The following FAM171A1 variants were observed in gnomAD, a reference collection of about 807,000 sequenced individuals.
The protein encoded by FAM171A1 is protein FAM171A1.
Under a neutral mutation model 74.9 loss-of-function variants are expected in FAM171A1, and 23 were observed. That is an observed-to-expected ratio of 0.31 (90% CI 0.22 to 0.44). The LOEUF is 0.44. FAM171A1 is among the 20% of genes least tolerant of loss of function. The pLI is 1.00. For synonymous variants in FAM171A1, 527 were observed against 505.7 expected (o/e 1.04, Z -0.57); for missense variants, 1,162 against 1,159.2 (o/e 1.00, Z -0.03).
intron 5 of FAM171A1, among the ~76,000 whole-genome samples, chr10:15,233,524 G>GTGTGTGTGTGTGTGTGTGTGTGTGCA (rs1834237224): frequency 8.7e-6 from 1 of 115,148 alleles, no homozygotes; most frequent in Non-Finnish European, 1.9e-5. Context: ...TATTCAGGGT[G>GTGTGTGTGTGTGTGTGTGTGTGTGCA]TGTGTGTGTG....
At chr10:15,275,993 T>G (rs1366699560) in intron 2 of FAM171A1, 46 bp from the exon 3 acceptor site, 1 of 1,385,884 alleles carries the variant, frequency 7.2e-7, no homozygotes, top group Non-Finnish European at 1.0e-6. Flanking sequence ...ATAGTCATAT[T>G]TAAGTGCCTA....
intron 5 of FAM171A1, among the ~76,000 whole-genome samples, chr10:15,244,830 T>C (rs1825896447): frequency 1.3e-5 from 2 of 152,012 alleles, no homozygotes; most frequent in South Asian, 2.1e-4. Flanking sequence ...GATAGGACCA[T>C]TGCAACGTGC....
chr10:15,285,192 C>A (rs1835020935), intron 1 of FAM171A1, among the ~76,000 whole-genome samples: 1 of 152,138 alleles, frequency 6.6e-6, no homozygotes, highest in African/African-American at 2.4e-5. Flanking sequence ...GGGGGAACAG[C>A]ATGTGTGGAG....
intron 1 of FAM171A1, among the ~76,000 whole-genome samples, chr10:15,327,428 T>C (rs1367088254): frequency 1.3e-5 from 2 of 152,152 alleles, no homozygotes; most frequent in Non-Finnish European, 2.9e-5. Flanking sequence ...GGCAGGCAGA[T>C]CGCTTGAGCC....
intron 3 of FAM171A1, among the ~76,000 whole-genome samples, chr10:15,258,415 T>A (rs746215270): frequency 1.3e-5 from 2 of 152,232 alleles, no homozygotes; most frequent in Non-Finnish European, 2.9e-5. Flanking sequence ...CTTTTGCTTA[T>A]TCATTGTAAG....
chr10:15,266,498 A>C (rs919386813), intron 3 of FAM171A1, among the ~76,000 whole-genome samples: 3 of 152,098 alleles, frequency 2.0e-5, no homozygotes, highest in African/African-American at 7.2e-5. Flanking sequence ...ACAGATTGGC[A>C]GAGGAGGTGG....
intron 5 of FAM171A1, among the ~76,000 whole-genome samples, chr10:15,242,720 G>A (rs1327093207): frequency 6.6e-6 from 1 of 152,152 alleles, no homozygotes; most frequent in African/African-American, 2.4e-5. Context: ...GAGCTTGGGA[G>A]GTCGAGGCTG....
In FAM171A1 at chr10:15,214,455, GACA is replaced by G; in HGVS notation, c.1130_1132del (p.Leu377_Ser378delinsPro). ...CTCGGGGCGGCCGTGGCTGGTGACG[GACA>G]GCGGGCCAGGGAATTCTGACGCTCG... is the stretch of plus-strand genomic sequence containing the variant. On this transcript the variant is annotated inframe_deletion, in exon 8 of 8. Coordinates refer to ENST00000378116, the MANE Select transcript of FAM171A1 (RefSeq NM_001010924.2). The G allele has an allele frequency of 6.2e-7, 1 of 1,614,192 alleles. No homozygotes were observed. The highest frequency in any genetic ancestry group is 8.5e-7 in the Non-Finnish European group (1 of 1,180,050).
rs76304364 is a variant in FAM171A1 at position 15,322,088 on chromosome 10, C to G, written c.98-37983G>C. Among the ~76,000 whole-genome samples, 650 of 152,332 alleles carry G rather than the reference C, an allele frequency of 4.3e-3. 2 individuals are homozygous for G. Among genetic ancestry groups the G allele is most frequent in the African/African-American group, 0.015 (612 of 41,580 alleles). On this transcript the variant is annotated intron_variant, in intron 1 of 7. Transcript: ENST00000378116. ...TGTCTCCATGCTCTGGTGGTAACCT[C>G]AGGCCCGATACAAGCATGGGTTATT...
At chr10:15,264,094 T>A (rs982081131) in intron 3 of FAM171A1, among the ~76,000 whole-genome samples, 15 of 151,900 alleles carry the variant, frequency 9.9e-5, no homozygotes, top group African/African-American at 3.4e-4. Flanking sequence ...TTCTCCCACT[T>A]CAGCCTCCAG....
rs767418555 is a variant in FAM171A1, at chr10:15,213,176, C to T, written c.2412G>A (p.Thr804=). The T allele has an allele frequency of 9.3e-6, 15 of 1,614,116 alleles. No individual in the cohort carries two copies. Among genetic ancestry groups the T allele is most frequent in the Middle Eastern group, 1.6e-4 (1 of 6,062 alleles). Residue 804 remains threonine, a synonymous_variant, in exon 8 of 8, where the codon ACG becomes ACA. Coordinates refer to ENST00000378116, the MANE Select transcript of FAM171A1 (RefSeq NM_001010924.2). This position sits in a 1 kb window ranked among gnomAD's most constrained non-coding sequence, Gnocchi z 6.8. ...VEQSGSECGT[T]VCTPEDSALR... is the part of the protein sequence containing the mutation. ...GGGCACTGTCCTCGGGGGTACAGAC[C>T]GTGGTCCCACATTCGCTACCACTCT...
chr10:15,300,479 T>C (rs1176673613), intron 1 of FAM171A1, among the ~76,000 whole-genome samples: 1 of 152,118 alleles, frequency 6.6e-6, no homozygotes, highest in African/African-American at 2.4e-5. Context: ...AGGTGCCTGC[T>C]AGCAACAAAA....
In FAM171A1 at chr10:15,279,674, C is replaced by G. The variant is rs149042793; in HGVS notation, c.326-3727G>C. 3.4e-3 allele frequency among the ~76,000 whole-genome samples: 515 copies of G among 152,174 alleles called. 3 individuals carry two copies. Among genetic ancestry groups the G allele is most frequent in the African/African-American group, 0.012 (488 of 41,514 alleles). On this transcript the variant is annotated intron_variant, in intron 2 of 7. Transcript: ENST00000378116. ...GTGGCTCATGTCTGTAATCTCAGCACTTTGGGAGTCCAAGGCAGGCGGATC... is the reference window on the plus strand; with the variant it reads ...GTGGCTCATGTCTGTAATCTCAGCAGTTTGGGAGTCCAAGGCAGGCGGATC...
At chr10:15,248,918 T>C (rs1187355470) in intron 4 of FAM171A1, 103 bp from the exon 5 acceptor site, 1 of 1,048,166 alleles carries the variant, frequency 9.5e-7, no homozygotes, top group Non-Finnish European at 1.4e-6. Context: ...ACCTCCTATA[T>C]GCCAGGGACT....
intron 1 of FAM171A1, among the ~76,000 whole-genome samples, chr10:15,305,990 C>T (rs1564271661): frequency 1.3e-5 from 2 of 152,122 alleles, no homozygotes; most frequent in African/African-American, 4.8e-5. Context: ...GAACTGCTCT[C>T]AAAATATCAT....
intron 1 of FAM171A1, among the ~76,000 whole-genome samples, chr10:15,330,713 C>CTTTTTTTTTTT (rs898772126): frequency 1.2e-4 from 9 of 76,760 alleles, no homozygotes; most frequent in Non-Finnish European, 1.8e-4. Context: ...TCTTCTTCTT[C>CTTTTTTTTTTT]TTTTTTTTTT....
chr10:15,259,594 G>C (rs187204089), intron 3 of FAM171A1, among the ~76,000 whole-genome samples: 1 of 152,218 alleles, frequency 6.6e-6, no homozygotes, highest in East Asian at 1.9e-4. Flanking sequence ...CAACAACCCT[G>C]TGAAGAAGGA....
intron 1 of FAM171A1, among the ~76,000 whole-genome samples, chr10:15,347,512 G>A (rs970590939): frequency 3.3e-5 from 5 of 152,062 alleles, no homozygotes; most frequent in Non-Finnish European, 5.9e-5. Context: ...TTATTGTTAT[G>A]AACGGAGTCA....
At chr10:15,225,257 G>T (rs553294385) in intron 5 of FAM171A1, among the ~76,000 whole-genome samples, 1 of 152,174 alleles carries the variant, frequency 6.6e-6, no homozygotes, top group Non-Finnish European at 1.5e-5. Flanking sequence ...GGAAGCTACA[G>T]GTGCAATCAA....
Sources: allele counts gnomAD v4.1 joint callset (sites outside exome capture counted in the v4.1 genomes callset), GRCh38; gene constraint gnomAD v4.1.1; non-coding constraint Gnocchi (gnomAD v3.1); transcripts MANE v1.5; gene names NCBI Gene and HGNC (gene_info 2026-07-23, HGNC 2026-07-21).